FSTL5: variants seen among roughly 807,000 people sequenced by gnomAD.
The protein encoded by FSTL5 is follistatin like 5, also known as follistatin-related protein 5.
In FSTL5, 62 loss-of-function variants were observed where a neutral mutation model predicts 89.1. The observed-to-expected ratio is 0.70, with a 90% CI of 0.57 to 0.86. The LOEUF (loss-of-function observed/expected upper bound fraction) is 0.86. Among genes scored for constraint, FSTL5 ranks in the 40% least tolerant of loss-of-function variants. The pLI, the probability that FSTL5 is intolerant of heterozygous loss-of-function variation, is 0.00. For synonymous variants in FSTL5, 383 were observed against 346.2 expected (o/e 1.11, Z -1.18); for missense variants, 1,057 against 1,001.6 (o/e 1.06, Z -0.75).
At chr4:161,760,364 T>C (rs1740746634) in intron 5 of FSTL5, among the ~76,000 whole-genome samples, 1 of 152,152 alleles carries the variant, frequency 6.6e-6, no homozygotes, top group Non-Finnish European at 1.5e-5. Flanking sequence ...AAGGCAGGGA[T>C]TTATACTGCT....
intron 6 of FSTL5, among the ~76,000 whole-genome samples, chr4:161,702,820 C>A (rs1421118624): frequency 6.6e-6 from 1 of 152,086 alleles, no homozygotes; most frequent in Non-Finnish European, 1.5e-5. Flanking sequence ...CCCCTCTTCC[C>A]ACTCAAAAAA....
At chr4:162,040,889 C>T (rs1021282013) in intron 2 of FSTL5, among the ~76,000 whole-genome samples, 4 of 152,006 alleles carry the variant, frequency 2.6e-5, no homozygotes, top group Non-Finnish European at 2.9e-5. Flanking sequence ...GTCTGTTCCT[C>T]CCACTGGATT....
At chr4:161,514,791 AAAGT>A (rs1730761204) in intron 10 of FSTL5, among the ~76,000 whole-genome samples, 1 of 152,174 alleles carries the variant, frequency 6.6e-6, no homozygotes, top group South Asian at 2.1e-4. Context: ...CCAAAAGATT[AAAGT>A]AAAAGTACAA....
chr4:161,386,600 AG>A lies in FSTL5; in HGVS notation c.1842-152del, dbSNP rs1432491333. 3.9e-5 allele frequency: 23 copies of A among 595,468 alleles called. No homozygotes were observed. The African/African-American group carries it at 4.1e-4, about 11-fold the overall frequency. The allele number at this position is 595,468 out of a possible 1,614,324, so 36.9% of individuals were successfully genotyped here. ...TACAATTGTGCTAGAATTAATCTGTAGATTGTGCCACTCTCCTTCTTTCTCT... is the reference window on the plus strand; with the variant it reads ...TACAATTGTGCTAGAATTAATCTGTAATTGTGCCACTCTCCTTCTTTCTCT... On this transcript the variant is annotated intron_variant, in intron 15 of 15. Transcript: ENST00000306100.
intron 3 of FSTL5, among the ~76,000 whole-genome samples, chr4:161,991,818 G>C (rs1736119066): frequency 6.6e-6 from 1 of 152,070 alleles, no homozygotes; most frequent in Non-Finnish European, 1.5e-5. Context: ...AAAAAGAAGG[G>C]GTAGAGGATA....
intron 15 of FSTL5, among the ~76,000 whole-genome samples, chr4:161,396,444 C>T (rs965752179): frequency 6.6e-6 from 1 of 150,594 alleles, no homozygotes; most frequent in African/African-American, 2.4e-5. Flanking sequence ...GAGTTCGAGA[C>T]CATCCTAGCC....
intron 6 of FSTL5, among the ~76,000 whole-genome samples, chr4:161,741,906 T>A (rs1014756416): frequency 7.9e-5 from 12 of 151,872 alleles, no homozygotes; most frequent in African/African-American, 2.9e-4. Flanking sequence ...AGAAGTATGA[T>A]TTTTTAATAA....
chr4:161,444,592 T>C (rs142810585), intron 15 of FSTL5, among the ~76,000 whole-genome samples: 3 of 151,946 alleles, frequency 2.0e-5, no homozygotes, highest in Middle Eastern at 3.4e-3. Context: ...AGGTAGACTT[T>C]GAAGGATTTA....
At chr4:161,694,813 C>G (rs1198587449) in intron 6 of FSTL5, among the ~76,000 whole-genome samples, 1 of 131,730 alleles carries the variant, frequency 7.6e-6, no homozygotes, top group African/African-American at 2.8e-5. Context: ...TGCAGTTGTT[C>G]ATTTGCTTAG....
At chr4:161,899,287 A>G (rs1235047586) in intron 4 of FSTL5, among the ~76,000 whole-genome samples, 1 of 152,196 alleles carries the variant, frequency 6.6e-6, no homozygotes, top group African/African-American at 2.4e-5. Flanking sequence ...TGATGCAGAG[A>G]AGAAAAGAAG....
chr4:162,100,471 GA>G (rs1730951064), intron 2 of FSTL5, among the ~76,000 whole-genome samples: 1 of 152,142 alleles, frequency 6.6e-6, no homozygotes, highest in South Asian at 2.1e-4. Flanking sequence ...GACAATCTCA[GA>G]AGGGTATATA....
chr4:161,948,134 G>A (rs963272092), intron 3 of FSTL5, among the ~76,000 whole-genome samples: 2 of 150,054 alleles, frequency 1.3e-5, no homozygotes, highest in Admixed American at 6.7e-5. Flanking sequence ...AAAAAAAAAA[G>A]CTGCTGGGTG....
intron 6 of FSTL5, among the ~76,000 whole-genome samples, chr4:161,754,374 A>G (rs1348172941): frequency 6.6e-6 from 1 of 152,170 alleles, no homozygotes; most frequent in East Asian, 1.9e-4. Context: ...ATACATACAC[A>G]TCTTAAAGTA....
chr4:162,145,345 C>A (rs779888384), intron 1 of FSTL5, among the ~76,000 whole-genome samples: 2 of 151,998 alleles, frequency 1.3e-5, no homozygotes, highest in Non-Finnish European at 2.9e-5. Context: ...GATAGAAATA[C>A]AATTCTATTT....
intron 4 of FSTL5, among the ~76,000 whole-genome samples, chr4:161,822,815 G>A (rs904638331): frequency 6.6e-6 from 1 of 152,182 alleles, no homozygotes; most frequent in African/African-American, 2.4e-5. Context: ...ACAACTAGAG[G>A]GTGAATAAGG....
In FSTL5 at chr4:161,553,918, A is replaced by G. The variant is rs1028872350; in HGVS notation, c.1016-11225T>C. ...AACGACATCATCATTTAAATAAATC[A>G]AACAAATCTAATAAAATTTTATTTA... On this transcript the variant is annotated intron_variant, in intron 8 of 15. Transcript: ENST00000306100. Among the ~76,000 whole-genome samples the G allele has an allele frequency of 6.6e-5, 10 of 151,768 alleles. No homozygotes were observed. In the East Asian group the frequency reaches 1.8e-3, roughly 27 times the overall value.
At chr4:162,027,777 G>A (rs1202030031) in intron 3 of FSTL5, among the ~76,000 whole-genome samples, 1 of 149,924 alleles carries the variant, frequency 6.7e-6, no homozygotes, top group South Asian at 2.1e-4. Context: ...TAATTAAAGA[G>A]TTGCCAGTTA....
At chr4:161,692,375 C>G (rs1265357828) in intron 6 of FSTL5, among the ~76,000 whole-genome samples, 1 of 150,390 alleles carries the variant, frequency 6.6e-6, no homozygotes, top group African/African-American at 2.5e-5. Flanking sequence ...TGTATTCTCC[C>G]TTAATTCTAC....
chr4:161,739,996 C>CTATCTATTTATT lies in FSTL5; in HGVS notation c.727+19414_727+19415insAATAAATAGATA, dbSNP rs772699258. ...TAATGTGTTCAAAATAGGATAGTATCTATTTATTTATTTATTTATTTATTT... is the reference window on the plus strand; with the variant it reads ...TAATGTGTTCAAAATAGGATAGTATCTATCTATTTATTTATTTATTTATTTATTTATTTATTT... On this transcript the variant is annotated intron_variant, in intron 6 of 15. Transcript: ENST00000306100. Among the ~76,000 whole-genome samples the CTATCTATTTATT allele has an allele frequency of 1.5e-3, 223 of 149,490 alleles. 9 individuals carry two copies. The South Asian group carries it at 0.04, about 27-fold the overall frequency.
Sources: gnomAD v4.1 joint callset for allele counts (sites outside exome capture counted in the v4.1 genomes callset) on GRCh38, gnomAD v4.1.1 for gene constraint, MANE v1.5 for transcripts, NCBI Gene and HGNC (gene_info 2026-07-23, HGNC 2026-07-21) for gene names.